OSBPL6: variants seen among roughly 807,000 people sequenced by gnomAD.
OSBPL6 encodes the protein oxysterol binding protein like 6, also known as oxysterol-binding protein-related protein 6.
Under a neutral mutation model 125.8 loss-of-function variants are expected in OSBPL6, and 49 were observed. The observed-to-expected ratio is 0.39, with a 90% CI of 0.31 to 0.49. OSBPL6 has a LOEUF of 0.49. Among genes scored for constraint, OSBPL6 ranks in the 20% least tolerant of loss-of-function variants. The probability of loss-of-function intolerance (pLI) is 0.88; values close to 1 mark genes in which losing one functional copy is unlikely to be tolerated. For synonymous variants in OSBPL6, 394 were observed against 391.8 expected (o/e 1.01, Z -0.07); for missense variants, 986 against 1,135.4 (o/e 0.87, Z 1.89).
At chr2:178,280,870 A>G (rs1684094862) in intron 1 of OSBPL6, among the ~76,000 whole-genome samples, 1 of 152,154 alleles carries the variant, frequency 6.6e-6, no homozygotes, top group East Asian at 1.9e-4. Context: ...GACCTTTGTC[A>G]GAGATGGATA....
intron 1 of OSBPL6, among the ~76,000 whole-genome samples, chr2:178,245,809 ACAGC>A (rs1160106412): frequency 6.6e-6 from 1 of 152,178 alleles, no homozygotes; most frequent in Non-Finnish European, 1.5e-5. Context: ...TCAAGGGTGT[ACAGC>A]TGGGAAGTGG....
intron 1 of OSBPL6, among the ~76,000 whole-genome samples, chr2:178,235,964 G>A (rs1054615348): frequency 5.3e-5 from 8 of 152,134 alleles, no homozygotes; most frequent in Non-Finnish European, 1.0e-4. Flanking sequence ...TTAGATTCAG[G>A]AGGTACATGT....
chr2:178,356,508 A>ATACC (rs933242822), intron 12 of OSBPL6, among the ~76,000 whole-genome samples: 2 of 152,338 alleles, frequency 1.3e-5, no homozygotes, highest in Non-Finnish European at 2.9e-5. Context: ...AGAGAATAAA[A>ATACC]TACCTAGGAA....
intron 1 of OSBPL6, among the ~76,000 whole-genome samples, chr2:178,248,439 AT>A (rs200734953): frequency 4.7e-4 from 71 of 151,720 alleles, no homozygotes; most frequent in African/African-American, 1.6e-3. Context: ...TTTTCCTGTG[AT>A]TTTTTTTTCT....
rs749286445 is a variant in OSBPL6 at position 178,383,012 on chromosome 2, T to C, written c.1622-12T>C. 5 of 1,613,658 alleles carry C rather than the reference T, an allele frequency of 3.1e-6. No individual in the cohort carries two copies. In the Admixed American group the frequency reaches 6.7e-5, roughly 22 times the overall value. On this transcript the variant is annotated splice_polypyrimidine_tract_variant and intron_variant, in intron 16 of 24. Coordinates refer to ENST00000190611, the MANE Select transcript of OSBPL6 (RefSeq NM_032523.4). ...AGCAAAGTGTCCTTCACTGTGACTC[T>C]CCTTCTTCCAGTCCTGAATGGGGAG...
chr2:178,214,749 CA>C (rs1351847888), intron 1 of OSBPL6, among the ~76,000 whole-genome samples: 1 of 151,934 alleles, frequency 6.6e-6, no homozygotes, highest in Non-Finnish European at 1.5e-5. Context: ...AGTTTGAAGC[CA>C]GCCTAGGCAA....
intron 23 of OSBPL6, among the ~76,000 whole-genome samples, chr2:178,394,101 T>G (rs1695644558): frequency 6.6e-6 from 1 of 152,190 alleles, no homozygotes; most frequent in Non-Finnish European, 1.5e-5. Context: ...TCAGTTCATG[T>G]ACATAGAAAA....
chr2:178,241,485 G>A (rs925667696), intron 1 of OSBPL6, among the ~76,000 whole-genome samples: 7 of 147,600 alleles, frequency 4.7e-5, no homozygotes, highest in Admixed American at 2.0e-4. Context: ...GTGTGATCTC[G>A]GCTCACTGCA....
intron 3 of OSBPL6, among the ~76,000 whole-genome samples, chr2:178,307,834 CG>C (rs1341744318): frequency 2.0e-5 from 3 of 152,040 alleles, no homozygotes; most frequent in Non-Finnish European, 4.4e-5. Flanking sequence ...ATGGTAAAGA[CG>C]GATGACTCCT....
rs1695490945 is a variant in OSBPL6, at chr2:178,392,470, C to G, written c.2505C>G (p.Leu835=). ...YYGFTRFAIE[L]NELDPVLKDL... ...GCTTCACAAGGTTTGCTATTGAGCTCAATGAGTTAGATCCAGTACTAAAAG... is the reference window on the plus strand; with the variant it reads ...GCTTCACAAGGTTTGCTATTGAGCTGAATGAGTTAGATCCAGTACTAAAAG... Residue 835 remains leucine, a synonymous_variant, in exon 23 of 25, where the codon CTC becomes CTG. Coordinates refer to ENST00000190611, the MANE Select transcript of OSBPL6 (RefSeq NM_032523.4). 6.2e-7 allele frequency: 1 copy of G among 1,613,950 alleles called. No homozygotes were observed. The highest frequency in any genetic ancestry group is 1.1e-5 in the South Asian group (1 of 91,074).
intron 1 of OSBPL6, among the ~76,000 whole-genome samples, chr2:178,277,892 A>C (rs2092501174): frequency 6.6e-6 from 1 of 152,192 alleles, no homozygotes; most frequent in Non-Finnish European, 1.5e-5. Flanking sequence ...AAGTATGATC[A>C]CGTGGCTCTC....
intron 11 of OSBPL6, among the ~76,000 whole-genome samples, chr2:178,348,145 CA>C (rs1300301767): frequency 2.0e-5 from 3 of 152,018 alleles, no homozygotes; most frequent in Non-Finnish European, 4.4e-5. Context: ...AAGCAAAAAC[CA>C]AAAAATTAAA....
intron 8 of OSBPL6, among the ~76,000 whole-genome samples, chr2:178,334,068 C>G (rs534262972): frequency 3.3e-5 from 5 of 152,258 alleles, no homozygotes; most frequent in Non-Finnish European, 7.4e-5. Flanking sequence ...GAGTTCACTT[C>G]TGTGTTGATG....
chr2:178,344,357 A>G, intron 11 of OSBPL6: 1 of 1,614,078 alleles, frequency 6.2e-7, no homozygotes, highest in Non-Finnish European at 8.5e-7. Context: ...CAGTGGCTAC[A>G]ACAGTGAGTG....
At chr2:178,268,563 C>A (rs1223418279) in intron 1 of OSBPL6, among the ~76,000 whole-genome samples, 1 of 152,164 alleles carries the variant, frequency 6.6e-6, no homozygotes, top group Non-Finnish European at 1.5e-5. Context: ...CTTGGAATGC[C>A]ATTCTGATTG....
intron 1 of OSBPL6, among the ~76,000 whole-genome samples, chr2:178,248,818 A>T (rs1229969394): frequency 2.6e-5 from 4 of 152,202 alleles, no homozygotes; most frequent in Non-Finnish European, 5.9e-5. Flanking sequence ...AAAACAAGAA[A>T]GTACAAGGAA....
chr2:178,380,394 T>C (rs965201199), intron 15 of OSBPL6, among the ~76,000 whole-genome samples: 5 of 143,952 alleles, frequency 3.5e-5, no homozygotes, highest in Admixed American at 7.7e-5. Context: ...TGAGCTCAGG[T>C]TGCAGTGAGC....
At chr2:178,264,236 C>G (rs1206118902) in intron 1 of OSBPL6, among the ~76,000 whole-genome samples, 5 of 152,122 alleles carry the variant, frequency 3.3e-5, no homozygotes, top group South Asian at 2.1e-4. Context: ...AAGCATCATT[C>G]TCTCATATAA....
rs1692377386 is a variant in OSBPL6 at position 178,361,715 on chromosome 2, T to C, written c.1187T>C (p.Ile396Thr). ...HSLLKSAFNS[I>T]AIEKEKLKQM... ...CTTTTGAAGTCTGCATTTAATAGCATAGCTATAGAGAAGGAGAAGCTGAAG... is the reference window on the plus strand; with the variant it reads ...CTTTTGAAGTCTGCATTTAATAGCACAGCTATAGAGAAGGAGAAGCTGAAG... The change falls in exon 13 of 25, where the codon ATA becomes ACA. Residue 396 changes from isoleucine to threonine, a missense_variant. Ile to Thr is a moderately conservative substitution (Grantham distance 89, BLOSUM62 -1). Around this residue, in one of 3 missense-constraint regions of OSBPL6, gnomAD observed 843 missense variants for 997.3 expected, o/e 0.85. Coordinates refer to ENST00000190611, the MANE Select transcript of OSBPL6 (RefSeq NM_032523.4). 1.9e-6 allele frequency: 3 copies of C among 1,614,138 alleles called. No individual in the cohort carries two copies. In the South Asian group the frequency reaches 3.3e-5, roughly 18 times the overall value.
Sources: gnomAD v4.1 joint callset for allele counts (sites outside exome capture counted in the v4.1 genomes callset) on GRCh38, gnomAD v4.1.1 for gene constraint, gnomAD v4.1.1 regional missense constraint, MANE v1.5 for transcripts, NCBI Gene and HGNC (gene_info 2026-07-23, HGNC 2026-07-21) for gene names.